Variants in TXNRD2 observed in about 807,000 individuals in gnomAD.
The protein encoded by TXNRD2 is thioredoxin reductase 2, mitochondrial.
Under a neutral mutation model 70.8 loss-of-function variants are expected in TXNRD2, and 67 were observed. The observed-to-expected ratio is 0.95, with a 90% CI of 0.78 to 1.16. The LOEUF (loss-of-function observed/expected upper bound fraction) is 1.16, where lower values mean the gene tolerates loss of function less well. Ranked by LOEUF, TXNRD2 falls within the 50% of genes most tolerant of loss-of-function variation. The pLI, the probability that TXNRD2 is intolerant of heterozygous loss-of-function variation, is 0.00. For synonymous variants in TXNRD2, 301 were observed against 295.8 expected (o/e 1.02, Z -0.18); for missense variants, 644 against 719.9 (o/e 0.89, Z 1.21).
intron 12 of TXNRD2, 145 bp from the exon 13 acceptor site, chr22:19,880,862 C>T: frequency 1.6e-6 from 1 of 638,174 alleles, no homozygotes; most frequent in Non-Finnish European, 2.8e-6. Flanking sequence ...GTACAGCATT[C>T]CCCCTAGAGC....
intron 2 of TXNRD2, among the ~76,000 whole-genome samples, chr22:19,923,968 ATTTT>A (rs575338380): frequency 6.1e-4 from 86 of 140,712 alleles, no homozygotes; most frequent in Admixed American, 1.7e-3. Flanking sequence ...GGTAGACTTG[ATTTT>A]TTTTTTAATT....
At chr22:19,886,083 C>G (rs117016540) in intron 11 of TXNRD2, among the ~76,000 whole-genome samples, 2 of 152,250 alleles carry the variant, frequency 1.3e-5, no homozygotes, top group Non-Finnish European at 2.9e-5. Flanking sequence ...GGCACAGACA[C>G]GCCTGGCCCT....
chr22:19,907,196 C>G (rs10222304), intron 8 of TXNRD2, among the ~76,000 whole-genome samples: 3 of 78,644 alleles, frequency 3.8e-5, no homozygotes, highest in Admixed American at 1.6e-4. Flanking sequence ...TAGCAGTGAC[C>G]GCTCTCAGGA....
intron 7 of TXNRD2, 23 bp downstream of exon 7, chr22:19,915,191 C>T (rs377239875): frequency 1.5e-4 from 234 of 1,612,096 alleles, no homozygotes; most frequent in South Asian, 2.1e-4. Flanking sequence ...GCAGCAGGGA[C>T]GCTATGCTCT....
Position 19,898,084 on chromosome 22 carries a change from G to T in TXNRD2, c.729C>A (p.Asp243Glu). The change falls in exon 10 of 18, where the codon GAC becomes GAA. Residue 243 changes from aspartate (D) to glutamate (E), a missense_variant. Physicochemically the swap from Asp to Glu is conservative, Grantham distance 45. Transcript: ENST00000400521. ...CAGFLTGIGL[D>E]TTIMMRSIPL... ...GGATGCTGCGCATCATGATGGTGGT[G>T]TCCAGCCCAATCCCGGTGAGGAAGC... 1 of 1,567,350 alleles carries T rather than the reference G, an allele frequency of 6.4e-7. No individual in the cohort carries two copies. The highest frequency in any genetic ancestry group is 8.6e-7 in the Non-Finnish European group (1 of 1,156,592).
intron 8 of TXNRD2, among the ~76,000 whole-genome samples, chr22:19,909,256 T>TTTATCACAA (rs1373445972): frequency 6.6e-6 from 1 of 152,010 alleles, no homozygotes; most frequent in African/African-American, 2.4e-5. Flanking sequence ...CTATGTCTGT[T>TTTATCACAA]TTATCACAAT....
rs144802689 is a variant in TXNRD2 at position 19,935,073 on chromosome 22, A to G, written c.104-3975T>C. ...TGATTTTTAGGGAACGAAGACAACC[A>G]TAAGGTCTGACTGCCTGTGGGGTCA... On this transcript the variant is annotated intron_variant, in intron 1 of 17. Transcript: ENST00000400521. Among the ~76,000 whole-genome samples, 316 of 152,336 alleles carry G rather than the reference A, an allele frequency of 2.1e-3. 4 individuals are homozygous for G. In the East Asian group the frequency reaches 0.033, roughly 16 times the overall value.
Position 19,899,087 on chromosome 22 carries a change from G to C in TXNRD2, c.663-19C>G. On this transcript the variant is annotated intron_variant, in intron 8 of 17. Coordinates refer to ENST00000400521, the MANE Select transcript of TXNRD2 (RefSeq NM_006440.5). Reference sequence around the variant, plus strand: ...CACCAACCTGTTAGAGAAACAGAGAGAGAGCACATGTAAAGCTGAGGCCCT... The same window carrying C: ...CACCAACCTGTTAGAGAAACAGAGACAGAGCACATGTAAAGCTGAGGCCCT... The C allele has an allele frequency of 1.9e-6, 3 of 1,607,272 alleles. No homozygotes were observed. Among genetic ancestry groups the C allele is most frequent in the Non-Finnish European group, 2.5e-6 (3 of 1,179,930 alleles).
intron 8 of TXNRD2, among the ~76,000 whole-genome samples, chr22:19,903,718 C>T (rs1262251528): frequency 1.3e-5 from 2 of 152,250 alleles, no homozygotes; most frequent in African/African-American, 4.8e-5. Context: ...ACCCCCAGTG[C>T]CTGCCTCTGT....
At chr22:19,911,220 G>A in intron 8 of TXNRD2, 157 bp downstream of exon 8, 1 of 712,214 alleles carries the variant, frequency 1.4e-6, no homozygotes, top group South Asian at 1.5e-5. Context: ...ACAAGCATGA[G>A]CCACCACACC....
chr22:19,919,440 G>A, intron 3 of TXNRD2, 103 bp downstream of exon 3: 1 of 1,025,996 alleles, frequency 9.7e-7, no homozygotes, highest in Non-Finnish European at 1.5e-6. Context: ...ACCATGGACA[G>A]CAGGGCTGAA....
Position 19,939,842 on chromosome 22 carries a change from C to T in TXNRD2, c.103+1859G>A, listed in dbSNP as rs1173961397. Among the ~76,000 whole-genome samples the T allele has an allele frequency of 2.0e-5, 3 of 152,110 alleles. No individual in the cohort carries two copies. The East Asian group carries it at 5.8e-4, about 29-fold the overall frequency. On this transcript the variant is annotated intron_variant, in intron 1 of 17. Transcript: ENST00000400521. ...AAAAAGAGGAGTAATAGGAGATACC[C>T]CATACTTTCAATATAAACCTGTAGG...
intron 8 of TXNRD2, 35 bp downstream of exon 8, chr22:19,911,342 A>C: frequency 6.3e-7 from 1 of 1,574,952 alleles, no homozygotes; most frequent in Non-Finnish European, 8.7e-7. Context: ...CTGGTGAACA[A>C]AAAGAGGACC....
At chr22:19,909,678 A>T (rs1302224638) in intron 8 of TXNRD2, among the ~76,000 whole-genome samples, 2 of 127,230 alleles carry the variant, frequency 1.6e-5, no homozygotes, top group African/African-American at 3.1e-5. Flanking sequence ...ACTCACACAC[A>T]CTACTCACAC....
chr22:19,917,156 G>A (rs561559173), intron 5 of TXNRD2, among the ~76,000 whole-genome samples: 7 of 152,312 alleles, frequency 4.6e-5, no homozygotes, highest in South Asian at 2.1e-4. Context: ...GCCCAGGTGC[G>A]CCCCAGCCTC....
At chr22:19,888,626 G>A (rs1007105237) in intron 11 of TXNRD2, among the ~76,000 whole-genome samples, 5 of 152,202 alleles carry the variant, frequency 3.3e-5, no homozygotes, top group Admixed American at 3.3e-4. Flanking sequence ...CAAGCACTGC[G>A]CCTGAGGACG....
chr22:19,882,819 C>T (rs1415402931), intron 12 of TXNRD2, among the ~76,000 whole-genome samples: 1 of 152,260 alleles, frequency 6.6e-6, no homozygotes, highest in Non-Finnish European at 1.5e-5. Context: ...CCGGTCTCCA[C>T]TTCACAGCAG....
At chr22:19,890,875 G>A (rs1939234002) in intron 11 of TXNRD2, among the ~76,000 whole-genome samples, 1 of 152,190 alleles carries the variant, frequency 6.6e-6, no homozygotes, top group Non-Finnish European at 1.5e-5. Flanking sequence ...GTGGAGAGAG[G>A]AGCCCAGGGC....
chr22:19,909,783 CCACA>C (rs1195518697), intron 8 of TXNRD2, among the ~76,000 whole-genome samples: 1 of 120,378 alleles, frequency 8.3e-6, no homozygotes, highest in Non-Finnish European at 1.7e-5. Flanking sequence ...ACCACACACA[CCACA>C]CACACACCAC....
Sources: gnomAD v4.1 joint callset for allele counts (sites outside exome capture counted in the v4.1 genomes callset) on GRCh38, gnomAD v4.1.1 for gene constraint, MANE v1.5 for transcripts, NCBI Gene and HGNC (gene_info 2026-07-23, HGNC 2026-07-21) for gene names.